The following RUFY3 variants were observed in gnomAD, a reference collection of about 807,000 sequenced individuals.
RUFY3 encodes the protein protein RUFY3.
In RUFY3, 34 loss-of-function variants were observed where a neutral mutation model predicts 84.0. The ratio of observed to expected loss-of-function variants is 0.40; its 90% CI spans 0.31 to 0.54. The LOEUF is 0.54. RUFY3 is among the 20% of genes least tolerant of loss of function. The pLI is 0.39. For synonymous variants in RUFY3, 242 were observed against 252.9 expected, an observed-to-expected ratio of 0.96 and a Z score of 0.41; for missense variants, 507 against 736.8, an observed-to-expected ratio of 0.69 and a Z score of 3.61.
In RUFY3 at chr4:70,807,792, A is replaced by T. The variant is rs1352245497; in HGVS notation, c.*1133A>T. ...CGAGATTACAGGCATGAGCCACCAC[A>T]CCTGGCCAAGTTTAATTTGTTCATG... On this transcript the variant is annotated 3_prime_UTR_variant, in exon 18 of 18. Coordinates refer to ENST00000381006, the MANE Select transcript of RUFY3 (RefSeq NM_001037442.4). Among the ~76,000 whole-genome samples, 1 of 151,498 alleles carries T rather than the reference A, an allele frequency of 6.6e-6. No individual in the cohort carries two copies. Among genetic ancestry groups the T allele is most frequent in the Non-Finnish European group, 1.5e-5 (1 of 67,912 alleles).
intron 1 of RUFY3, among the ~76,000 whole-genome samples, chr4:70,753,629 C>T (rs1022772830): frequency 6.6e-6 from 1 of 152,162 alleles, no homozygotes; most frequent in African/African-American, 2.4e-5. Context: ...TGTCTAAAAG[C>T]TTTCCTGGTT....
At chr4:70,799,373 C>G (rs1397069085) in intron 14 of RUFY3, 1 of 152,032 alleles carries the variant, frequency 6.6e-6, no homozygotes, top group African/African-American at 2.4e-5. Context: ...AACCCCATCT[C>G]TACTAAAAAT....
At chr4:70,780,498 G>A (rs949555377) in intron 8 of RUFY3, among the ~76,000 whole-genome samples, 1 of 152,116 alleles carries the variant, frequency 6.6e-6, no homozygotes, top group Non-Finnish European at 1.5e-5. Flanking sequence ...TCACCAGGTT[G>A]GCCAGGCTGG....
intron 4 of RUFY3, among the ~76,000 whole-genome samples, chr4:70,767,705 G>A (rs377455310): frequency 1.3e-5 from 2 of 151,416 alleles, no homozygotes; most frequent in African/African-American, 4.9e-5. Flanking sequence ...TTGAGACAGA[G>A]TGTTGCTCTG....
At chr4:70,796,926 TTTTTC>T (rs375903338) in intron 14 of RUFY3, among the ~76,000 whole-genome samples, 24 of 151,214 alleles carry the variant, frequency 1.6e-4, no homozygotes, top group African/African-American at 4.6e-4. Flanking sequence ...TAGGGGCTCT[TTTTTC>T]TTTTCTTTTC....
chr4:70,717,052 G>A (rs1343417013), upstream of RUFY3, among the ~76,000 whole-genome samples: 1 of 152,042 alleles, frequency 6.6e-6, no homozygotes, highest in Non-Finnish European at 1.5e-5. Flanking sequence ...TGAAATGAGA[G>A]GCAGGAGTTT....
At position 70,788,633 on chromosome 4, in the gene RUFY3, T is replaced by G. The variant is rs1310264982; in HGVS notation, c.1072-173T>G. 2.6e-5 allele frequency among the ~76,000 whole-genome samples: 4 copies of G among 152,328 alleles called. No homozygotes were observed. In the East Asian group the frequency reaches 7.7e-4, roughly 29 times the overall value. On this transcript the variant is annotated intron_variant, in intron 10 of 17. Transcript: ENST00000381006. ...TGTTATTGTATATCCTAATTATTATTGTTAATTATTAATTAATTATTGTTA... is the reference window on the plus strand; with the variant it reads ...TGTTATTGTATATCCTAATTATTATGGTTAATTATTAATTAATTATTGTTA...
At chr4:70,713,372 A>G (rs940803640) in intron 1 of RUFY3, among the ~76,000 whole-genome samples, 7 of 152,212 alleles carry the variant, frequency 4.6e-5, no homozygotes, top group African/African-American at 1.7e-4. Context: ...TTGAGAAGGT[A>G]AGTAGCAATA....
At chr4:70,747,657 T>C (rs528738805) in intron 1 of RUFY3, among the ~76,000 whole-genome samples, 2 of 152,350 alleles carry the variant, frequency 1.3e-5, no homozygotes, top group South Asian at 4.1e-4. Flanking sequence ...ACTGCTATTA[T>C]TGTCCTATGC....
At chr4:70,762,808 A>T (rs1281052810) in intron 2 of RUFY3, 116 bp downstream of exon 2, 2 of 855,498 alleles carry the variant, frequency 2.3e-6, no homozygotes, top group Non-Finnish European at 3.5e-6. Context: ...TAATAATATT[A>T]ATCCATTGGA....
chr4:70,740,557 T>G (rs1242081531), intron 1 of RUFY3, among the ~76,000 whole-genome samples: 1 of 152,128 alleles, frequency 6.6e-6, no homozygotes, highest in Non-Finnish European at 1.5e-5. Flanking sequence ...AAGAACAAAA[T>G]GGGAATATTC....
At position 70,778,928 on chromosome 4, in the gene RUFY3, A is replaced by T. The variant is rs1578189036; in HGVS notation, c.894+490A>T. Among the ~76,000 whole-genome samples the T allele has an allele frequency of 6.6e-5, 10 of 152,204 alleles. No individual in the cohort carries two copies. The South Asian group carries it at 2.1e-3, about 32-fold the overall frequency. On this transcript the variant is annotated intron_variant, in intron 8 of 17. Coordinates refer to ENST00000381006, the MANE Select transcript of RUFY3 (RefSeq NM_001037442.4). Reference sequence around the variant, plus strand: ...ACGGCCCAGTTGGCTTATTGCAGGGATCTCATTTACCCAATTAGACTGTGT... The same window carrying T: ...ACGGCCCAGTTGGCTTATTGCAGGGTTCTCATTTACCCAATTAGACTGTGT...
chr4:70,729,037 C>A (rs1371586758), intron 1 of RUFY3, among the ~76,000 whole-genome samples: 1 of 151,882 alleles, frequency 6.6e-6, no homozygotes, highest in East Asian at 1.9e-4. Context: ...TTATTGCTGT[C>A]AATATGGGGT....
chr4:70,764,793 A>G (rs1454730475), intron 4 of RUFY3, among the ~76,000 whole-genome samples: 1 of 152,216 alleles, frequency 6.6e-6, no homozygotes. Flanking sequence ...GGTCCTTTCC[A>G]AGGCAGGCCA....
At chr4:70,797,195 A>C (rs950170236) in intron 14 of RUFY3, among the ~76,000 whole-genome samples, 3 of 152,066 alleles carry the variant, frequency 2.0e-5, no homozygotes, top group Admixed American at 6.6e-5. Flanking sequence ...TGCCTGCCTC[A>C]GCCTCCCAAA....
chr4:70,743,292 G>A (rs1212868363), intron 1 of RUFY3, among the ~76,000 whole-genome samples: 1 of 151,862 alleles, frequency 6.6e-6, no homozygotes, highest in Non-Finnish European at 1.5e-5. Context: ...GGCTGGTCTC[G>A]AACTCCTGAC....
chr4:70,708,484 T>C (rs780959564), intron 1 of RUFY3, among the ~76,000 whole-genome samples: 6 of 152,174 alleles, frequency 3.9e-5, no homozygotes, highest in Non-Finnish European at 8.8e-5. Context: ...AAAAGACTTC[T>C]TAATTACGAG....
rs2148826140 is a variant in RUFY3, at chr4:70,806,849, T to C, written c.*190T>C. 1 of 554,546 alleles carries C rather than the reference T, an allele frequency of 1.8e-6. No homozygotes were observed. The highest frequency in any genetic ancestry group is 3.1e-6 in the Non-Finnish European group (1 of 324,348). 34.4% of individuals were successfully genotyped at this position (554,546 alleles called of 1,614,324 possible). On this transcript the variant is annotated 3_prime_UTR_variant, in exon 18 of 18. Coordinates refer to ENST00000381006, the MANE Select transcript of RUFY3 (RefSeq NM_001037442.4). ...TTGCTCATTTTCTCTAATGACTGTATGAATAAAAGTGAACTTACTTGAGCC... is the reference window on the plus strand; with the variant it reads ...TTGCTCATTTTCTCTAATGACTGTACGAATAAAAGTGAACTTACTTGAGCC...
At chr4:70,783,310 A>C (rs1023720901) in intron 9 of RUFY3, 127 bp downstream of exon 9, 2 of 633,538 alleles carry the variant, frequency 3.2e-6, no homozygotes, top group Non-Finnish European at 5.6e-6. Flanking sequence ...TTTAGACTCC[A>C]TGCATAATTG....
Sources: allele counts gnomAD v4.1 joint callset (sites outside exome capture counted in the v4.1 genomes callset), GRCh38; gene constraint gnomAD v4.1.1; transcripts MANE v1.5; gene names NCBI Gene and HGNC (gene_info 2026-07-23, HGNC 2026-07-21).